The following OPN3 variants were observed in gnomAD, a reference collection of about 807,000 sequenced individuals.
The protein encoded by OPN3 is opsin 3.
In OPN3, 29 loss-of-function variants were observed where a neutral mutation model predicts 33.8. That is an observed-to-expected ratio of 0.86 (90% confidence interval 0.64 to 1.17). OPN3 has a LOEUF of 1.17. Among genes scored for constraint, OPN3 ranks in the 50% most tolerant of loss-of-function variants. The pLI, the probability that OPN3 is intolerant of heterozygous loss-of-function variation, is 0.00. For missense variants in OPN3, 437 were observed against 514.1 expected (o/e 0.85, Z 1.45); for synonymous variants, 216 against 216.1 (o/e 1.00, Z 0.00).
chr1:241,598,018 G>A, intron 2 of OPN3, 21 bp from the exon 3 acceptor site: 2 of 1,605,674 alleles, frequency 1.2e-6, no homozygotes, highest in Non-Finnish European at 1.7e-6. Context: ...GAGAAAGAAA[G>A]GAAAGGGCTT....
intron 1 of OPN3, chr1:241,635,902 T>A (rs1664880031): frequency 8.8e-6 from 7 of 797,982 alleles, no homozygotes; most frequent in Non-Finnish European, 1.4e-5. Context: ...TGTTTAACGG[T>A]TACCCTTTTA....
rs977622619 is a variant in OPN3 at position 241,599,431 on chromosome 1, A to T, written c.694-1434T>A. ...ACAATGTTCAGAGATAACTATTTTTATTTAGGAACATATTTTTGGTGTGCA... is the reference window on the plus strand; with the variant it reads ...ACAATGTTCAGAGATAACTATTTTTTTTTAGGAACATATTTTTGGTGTGCA... On this transcript the variant is annotated intron_variant, in intron 2 of 3. Transcript: ENST00000366554. 4.3e-4 allele frequency among the ~76,000 whole-genome samples: 66 copies of T among 152,182 alleles called. 2 individuals are homozygous for T. The Middle Eastern group carries it at 0.01, about 24-fold the overall frequency.
intron 3 of OPN3, among the ~76,000 whole-genome samples, chr1:241,597,248 A>T (rs1295501327): frequency 2.6e-5 from 4 of 152,164 alleles, no homozygotes; most frequent in Non-Finnish European, 4.4e-5. Flanking sequence ...TAAGCACTGG[A>T]TTTGGGGATT....
intron 1 of OPN3, among the ~76,000 whole-genome samples, chr1:241,620,894 G>A: frequency 6.6e-6 from 1 of 152,102 alleles, no homozygotes. Context: ...TATTGGGCAG[G>A]AAGAAATGTT....
intron 2 of OPN3, among the ~76,000 whole-genome samples, chr1:241,601,352 A>ATTCTC (rs1663671834): frequency 1.4e-5 from 2 of 145,402 alleles, no homozygotes; most frequent in African/African-American, 2.5e-5. Flanking sequence ...AAAAAGGAGA[A>ATTCTC]CTAAGTTTTT....
In OPN3 at chr1:241,615,975, T is replaced by C. The variant is rs555240408; in HGVS notation, c.374-11396A>G. The C allele has an allele frequency of 1.8e-5, 8 of 456,508 alleles. No homozygotes were observed. In the East Asian group the frequency reaches 3.5e-4, roughly 20 times the overall value. 28.3% of individuals were successfully genotyped at this position (456,508 alleles called of 1,614,324 possible). On this transcript the variant is annotated intron_variant, in intron 1 of 3. Coordinates refer to ENST00000366554, the MANE Select transcript of OPN3 (RefSeq NM_014322.3). ...GACATTAACATCTCATGGAGCAGAG[T>C]TGGACCAATGGCCAAGAGACAGGAA...
At chr1:241,627,352 A>T (rs1664449197) in intron 1 of OPN3, among the ~76,000 whole-genome samples, 1 of 152,228 alleles carries the variant, frequency 6.6e-6, no homozygotes, top group African/African-American at 2.4e-5. Flanking sequence ...TACATGTAAT[A>T]AATCACTCTT....
intron 2 of OPN3, among the ~76,000 whole-genome samples, chr1:241,599,901 T>C (rs1287756097): frequency 6.6e-6 from 1 of 152,224 alleles, no homozygotes; most frequent in Non-Finnish European, 1.5e-5. Flanking sequence ...ATATTTGAAC[T>C]AGATATGAGA....
intron 1 of OPN3, chr1:241,633,600 C>T: frequency 3.2e-6 from 2 of 625,938 alleles, no homozygotes; most frequent in Non-Finnish European, 5.4e-6. Flanking sequence ...ACAAAATGTT[C>T]AATAATCAAT....
At chr1:241,607,109 C>T (rs1178386363) in intron 1 of OPN3, among the ~76,000 whole-genome samples, 1 of 152,130 alleles carries the variant, frequency 6.6e-6, no homozygotes, top group Non-Finnish European at 1.5e-5. Context: ...GTGTCTCACA[C>T]ACATGGCATC....
At chr1:241,595,865 A>T (rs1663491690) in intron 3 of OPN3, among the ~76,000 whole-genome samples, 1 of 152,220 alleles carries the variant, frequency 6.6e-6, no homozygotes, top group Non-Finnish European at 1.5e-5. Flanking sequence ...TTAAAGATAC[A>T]TTACTGTAAA....
rs967759051 is a variant in OPN3, at chr1:241,615,846, T to C, written c.374-11267A>G. On this transcript the variant is annotated intron_variant, in intron 1 of 3. Transcript: ENST00000366554. ...TCAGCTGCTGCCACTGTCACCACCA[T>C]TGCATACCTGCATGCAGATAGTGCC... 6 of 456,606 alleles carry C rather than the reference T, an allele frequency of 1.3e-5. No individual in the cohort carries two copies. In the East Asian group the frequency reaches 2.1e-4, roughly 16 times the overall value. 28.3% of individuals were successfully genotyped at this position (456,606 alleles called of 1,614,324 possible). A position where few individuals can be genotyped will look rare whatever the true frequency, so the allele number is the denominator to read the frequency against.
chr1:241,601,939 C>A (rs1387103580), intron 2 of OPN3, among the ~76,000 whole-genome samples: 1 of 152,048 alleles, frequency 6.6e-6, no homozygotes, highest in Non-Finnish European at 1.5e-5. Flanking sequence ...ACAAATTAAT[C>A]TTTATATTTG....
chr1:241,620,575 C>A (rs1664247894), intron 1 of OPN3, among the ~76,000 whole-genome samples: 1 of 152,216 alleles, frequency 6.6e-6, no homozygotes, highest in Non-Finnish European at 1.5e-5. Flanking sequence ...TGCTGGTACC[C>A]TGATCTCAGA....
chr1:241,593,191 G>C lies in OPN3; in HGVS notation c.*1237C>G. 4.1e-6 allele frequency: 1 copy of C among 243,458 alleles called. No homozygotes were observed. Among genetic ancestry groups the C allele is most frequent in the South Asian group, 5.1e-5 (1 of 19,418 alleles). The allele number at this position is 243,458 out of a possible 1,614,324, so 15.1% of individuals were successfully genotyped here. Reference sequence around the variant, plus strand: ...ATGTGCCAGAATGGAAAGGAAACAAGGGGAGACAACTTTTATAGAAATACA... The same window carrying C: ...ATGTGCCAGAATGGAAAGGAAACAACGGGAGACAACTTTTATAGAAATACA... On this transcript the variant is annotated 3_prime_UTR_variant, in exon 4 of 4. Coordinates refer to ENST00000366554, the MANE Select transcript of OPN3 (RefSeq NM_014322.3).
chr1:241,616,074 G>A, intron 1 of OPN3: 2 of 417,924 alleles, frequency 4.8e-6, no homozygotes, highest in South Asian at 3.5e-5. Context: ...GTATCAGGTG[G>A]TCTCTCTGAA....
chr1:241,601,514 C>T lies in OPN3; in HGVS notation c.693+2746G>A, dbSNP rs1378311495. ...GGTCAGGAGTTCGAAACCAGCCTGG[C>T]CAACATGGTGAAACCCCATCTCTAC... On this transcript the variant is annotated intron_variant, in intron 2 of 3. Transcript: ENST00000366554. Among the ~76,000 whole-genome samples the T allele has an allele frequency of 3.3e-5, 5 of 152,094 alleles. No individual in the cohort carries two copies. The East Asian group carries it at 7.7e-4, about 23-fold the overall frequency.
chr1:241,629,512 G>C (rs999700602), intron 1 of OPN3: 4 of 152,050 alleles, frequency 2.6e-5, no homozygotes, highest in Admixed American at 2.6e-4. Flanking sequence ...TTATGGATAT[G>C]CATATAGTTT....
intron 1 of OPN3, among the ~76,000 whole-genome samples, chr1:241,620,137 G>A (rs892767416): frequency 6.6e-6 from 1 of 152,040 alleles, no homozygotes; most frequent in Non-Finnish European, 1.5e-5. Context: ...GAGGGACTGA[G>A]GGAAGTTGAA....
Sources: allele counts gnomAD v4.1 joint callset (sites outside exome capture counted in the v4.1 genomes callset), GRCh38; gene constraint gnomAD v4.1.1; transcripts MANE v1.5; gene names NCBI Gene and HGNC (gene_info 2026-07-23, HGNC 2026-07-21).